ADAM23: variants seen among roughly 807,000 people sequenced by gnomAD.
ADAM23 encodes ADAM metallopeptidase domain 23.
ADAM23 carries 33 observed loss-of-function variants against 120.1 expected under a neutral mutation model. The observed-to-expected ratio is 0.27, with a 90% CI of 0.21 to 0.37. ADAM23 has a LOEUF of 0.37. Ranked by LOEUF, ADAM23 falls within the 10% of genes least tolerant of loss-of-function variation. The probability of loss-of-function intolerance (pLI) is 1.00; values close to 1 mark genes in which losing one functional copy is unlikely to be tolerated. For missense variants in ADAM23, 862 were observed against 1,058.2 expected (o/e 0.81, Z 2.57); for synonymous variants, 367 against 375.2 (o/e 0.98, Z 0.25).
intron 24 of ADAM23, chr2:206,605,742 A>G (rs191553734): frequency 1.4e-6 from 1 of 701,950 alleles, no homozygotes. Flanking sequence ...TAGTGAAATT[A>G]GTATGTAATT....
Position 206,529,495 on chromosome 2 carries a change from C to T in ADAM23, c.510-1390C>T, listed in dbSNP as rs1367971952. The stretch of plus-strand genomic sequence containing the variant: ...CTCACTGCAGCCTCGATCTTCTGGG[C>T]TCAAGCAATCCTTCCACCTCAGGCT... On this transcript the variant is annotated intron_variant, in intron 3 of 25. Coordinates refer to ENST00000264377, the MANE Select transcript of ADAM23 (RefSeq NM_003812.4). 2.6e-5 allele frequency among the ~76,000 whole-genome samples: 4 copies of T among 151,984 alleles called. No individual in the cohort carries two copies. The East Asian group carries it at 7.7e-4, about 29-fold the overall frequency.
chr2:206,603,909 C>T (rs1698684795), intron 24 of ADAM23, among the ~76,000 whole-genome samples: 1 of 150,034 alleles, frequency 6.7e-6, no homozygotes, highest in Non-Finnish European at 1.5e-5. Context: ...TTGCAGAAGT[C>T]ATAGGACTGT....
At chr2:206,512,072 A>G (rs534320776) in intron 3 of ADAM23, among the ~76,000 whole-genome samples, 1 of 152,328 alleles carries the variant, frequency 6.6e-6, no homozygotes, top group South Asian at 2.1e-4. Flanking sequence ...AATATTTAGA[A>G]GGTAATTTCA....
At chr2:206,494,087 A>G (rs1192053941) in intron 3 of ADAM23, among the ~76,000 whole-genome samples, 1 of 152,214 alleles carries the variant, frequency 6.6e-6, no homozygotes, top group Non-Finnish European at 1.5e-5. Context: ...TAACATATCC[A>G]TCACCTCAGA....
At position 206,571,787 on chromosome 2, in the gene ADAM23, G is replaced by A. The variant is rs1407664125; in HGVS notation, c.1627G>A (p.Gly543Arg). 6.2e-7 allele frequency: 1 copy of A among 1,613,886 alleles called. No homozygotes were observed. Among genetic ancestry groups the A allele is most frequent in the Non-Finnish European group, 8.5e-7 (1 of 1,179,946 alleles). ...CTCCAACGGGGCTCACTGCAGCGAC[G>A]GGCCCTGCTGTAACAATACCTCATG... The part of the protein sequence containing the change: ...SLSNGAHCSD[G>R]PCCNNTSCLF... The change falls in exon 17 of 26, where the codon GGG becomes AGG. Residue 543 changes from glycine to arginine, a missense_variant. Coordinates refer to ENST00000264377, the MANE Select transcript of ADAM23 (RefSeq NM_003812.4).
At chr2:206,486,055 T>G (rs574548697) in intron 3 of ADAM23, among the ~76,000 whole-genome samples, 10 of 152,172 alleles carry the variant, frequency 6.6e-5, no homozygotes. Context: ...GGAGACGAGA[T>G]CAGAGAGGAA....
chr2:206,499,123 T>C (rs1696324499), intron 3 of ADAM23, among the ~76,000 whole-genome samples: 2 of 151,926 alleles, frequency 1.3e-5, no homozygotes. Context: ...AAATACCATT[T>C]GACCCAGCCA....
rs80284335 is a variant in ADAM23 at position 206,591,167 on chromosome 2, A to G, written c.1959-1450A>G. 2.7e-5 allele frequency among the ~76,000 whole-genome samples: 4 copies of G among 149,760 alleles called. No homozygotes were observed. In the East Asian group the frequency reaches 7.8e-4, roughly 29 times the overall value. On this transcript the variant is annotated intron_variant, in intron 21 of 25. Coordinates refer to ENST00000264377, the MANE Select transcript of ADAM23 (RefSeq NM_003812.4). Reference sequence around the variant, plus strand: ...GACAACATAGTGAGTCCTCATCTCTATTTTTTTTTTAAGTTGTGAAATGTA... The same window carrying G: ...GACAACATAGTGAGTCCTCATCTCTGTTTTTTTTTTAAGTTGTGAAATGTA...
At chr2:206,562,108 G>A in intron 12 of ADAM23, 95 bp from the exon 13 acceptor site, 1 of 1,026,928 alleles carries the variant, frequency 9.7e-7, no homozygotes, top group South Asian at 1.5e-5. Context: ...TCTACTTAGG[G>A]AACTGAGAAG....
chr2:206,581,724 A>G (rs957945861), intron 18 of ADAM23, among the ~76,000 whole-genome samples: 4 of 152,120 alleles, frequency 2.6e-5, no homozygotes, highest in Non-Finnish European at 5.9e-5. Flanking sequence ...TTCTGTATAT[A>G]TCTGTTAAGT....
At chr2:206,478,507 T>TATGATG (rs58463126) in intron 2 of ADAM23, among the ~76,000 whole-genome samples, 14,174 of 150,466 alleles carry the variant, frequency 0.094, 726 homozygotes, top group African/African-American at 0.13. Context: ...ATCATAATGA[T>TATGATG]ATGATGATGA....
At chr2:206,480,192 G>A (rs1018254620) in intron 2 of ADAM23, among the ~76,000 whole-genome samples, 4 of 152,154 alleles carry the variant, frequency 2.6e-5, no homozygotes, top group African/African-American at 9.7e-5. Flanking sequence ...AAGCATTGCA[G>A]GTGGGACGCC....
At chr2:206,611,641 G>C (rs763734139) in intron 25 of ADAM23, among the ~76,000 whole-genome samples, 2 of 152,284 alleles carry the variant, frequency 1.3e-5, no homozygotes, top group South Asian at 4.1e-4. Context: ...CGTCTTTGCC[G>C]TCTAGCCATA....
At chr2:206,476,885 A>G (rs1362275170) in intron 2 of ADAM23, among the ~76,000 whole-genome samples, 2 of 152,174 alleles carry the variant, frequency 1.3e-5, no homozygotes, top group Non-Finnish European at 2.9e-5. Flanking sequence ...GGTACGCTCT[A>G]CAGAACTCAC....
At chr2:206,483,900 G>A (rs1158143310) in intron 3 of ADAM23, among the ~76,000 whole-genome samples, 1 of 152,158 alleles carries the variant, frequency 6.6e-6, no homozygotes, top group Non-Finnish European at 1.5e-5. Context: ...GAGGAGGTTT[G>A]GATGAGAAGA....
At chr2:206,547,197 A>G (rs1697416473) in intron 6 of ADAM23, among the ~76,000 whole-genome samples, 1 of 152,206 alleles carries the variant, frequency 6.6e-6, no homozygotes, top group African/African-American at 2.4e-5. Context: ...GAAAGCTAAG[A>G]TTTAAGAGTA....
intron 3 of ADAM23, among the ~76,000 whole-genome samples, chr2:206,497,147 T>C (rs1356616233): frequency 6.6e-6 from 1 of 152,124 alleles, no homozygotes; most frequent in East Asian, 1.9e-4. Flanking sequence ...CCCTAACTCA[T>C]TTTATGAGGC....
intron 15 of ADAM23, 121 bp from the exon 16 acceptor site, chr2:206,570,619 C>G (rs1386273915): frequency 1.4e-6 from 1 of 707,488 alleles, no homozygotes; most frequent in Non-Finnish European, 2.5e-6. Context: ...GCCACAACAA[C>G]AGATCAAAGA....
chr2:206,540,698 T>C (rs554786684), intron 4 of ADAM23, among the ~76,000 whole-genome samples: 15 of 152,124 alleles, frequency 9.9e-5, no homozygotes, highest in South Asian at 6.2e-4. Context: ...AGTCAACTTA[T>C]GTCACTTATC....
Sources: gnomAD v4.1 joint callset for allele counts (sites outside exome capture counted in the v4.1 genomes callset) on GRCh38, gnomAD v4.1.1 for gene constraint, MANE v1.5 for transcripts, NCBI Gene and HGNC (gene_info 2026-07-23, HGNC 2026-07-21) for gene names.